The following RIMS1 variants were observed in gnomAD, a reference collection of about 807,000 sequenced individuals.
RIMS1 encodes the protein regulating synaptic membrane exocytosis protein 1.
RIMS1 carries 83 observed loss-of-function variants against 214.1 expected under a neutral mutation model. The observed-to-expected ratio is 0.39, with a 90% CI of 0.32 to 0.47. The LOEUF is 0.47. Among genes scored for constraint, RIMS1 ranks in the 20% least tolerant of loss-of-function variants. RIMS1 has a pLI of 0.99. For synonymous variants in RIMS1, 793 were observed against 786.8 expected (o/e 1.01, Z -0.13); for missense variants, 2,050 against 2,161.8 (o/e 0.95, Z 1.03).
chr6:72,293,332 A>G (rs1360259722), intron 26 of RIMS1, among the ~76,000 whole-genome samples: 1 of 152,008 alleles, frequency 6.6e-6, no homozygotes, highest in Non-Finnish European at 1.5e-5. Context: ...ATTCATTGGA[A>G]TTATTCATTG....
intron 2 of RIMS1, among the ~76,000 whole-genome samples, chr6:72,076,774 T>C (rs1435517708): frequency 6.6e-6 from 1 of 152,108 alleles, no homozygotes; most frequent in Non-Finnish European, 1.5e-5. Flanking sequence ...ATCCTCAGCT[T>C]GACTTTTCCT....
rs532853547 is a variant in RIMS1 at position 71,980,595 on chromosome 6, C to T, written c.245+11532C>T. Among the ~76,000 whole-genome samples the T allele has an allele frequency of 3.9e-5, 6 of 151,996 alleles. No homozygotes were observed. The East Asian group carries it at 1.2e-3, about 29-fold the overall frequency. ...TGGATTTTACTCTGAAGGGAGACAC[C>T]AAAGTATCTGAACATGGAGCTATCT... is the stretch of plus-strand genomic sequence containing the variant. On this transcript the variant is annotated intron_variant, in intron 2 of 33. Coordinates refer to ENST00000521978, the MANE Select transcript of RIMS1 (RefSeq NM_014989.7).
chr6:72,386,158 G>A (rs911280476), intron 29 of RIMS1, among the ~76,000 whole-genome samples: 3 of 152,136 alleles, frequency 2.0e-5, no homozygotes, highest in African/African-American at 7.2e-5. Flanking sequence ...GAGACACCCT[G>A]TAGATATACC....
intron 29 of RIMS1, among the ~76,000 whole-genome samples, chr6:72,365,436 T>C (rs560425750): frequency 1.3e-5 from 2 of 152,346 alleles, no homozygotes; most frequent in South Asian, 4.1e-4. Context: ...TTACATAGAC[T>C]TCATCCCTTG....
chr6:72,293,580 G>T (rs2093708477), intron 26 of RIMS1, among the ~76,000 whole-genome samples: 1 of 151,850 alleles, frequency 6.6e-6, no homozygotes, highest in Non-Finnish European at 1.5e-5. Flanking sequence ...TATTCTAAAA[G>T]TCATGTGCTC....
In RIMS1 at chr6:72,400,776, A is replaced by G. The variant is rs745411533; in HGVS notation, c.*62A>G. 4 of 1,302,272 alleles carry G rather than the reference A, an allele frequency of 3.1e-6. No individual in the cohort carries two copies. Among genetic ancestry groups the G allele is most frequent in the Non-Finnish European group, 4.3e-6 (4 of 925,210 alleles). The allele number at this position is 1,302,272 out of a possible 1,614,324, so 80.7% of individuals were successfully genotyped here. A position where few individuals can be genotyped will look rare whatever the true frequency, so the allele number is the denominator to read the frequency against. Reference sequence around the variant, plus strand: ...TTTTCAGGATAATAATCTGAACCAGATATTTCATGATCGAAAGCATTGTTG... The same window carrying G: ...TTTTCAGGATAATAATCTGAACCAGGTATTTCATGATCGAAAGCATTGTTG... On this transcript the variant is annotated 3_prime_UTR_variant, in exon 34 of 34. Transcript: ENST00000521978.
intron 4 of RIMS1, among the ~76,000 whole-genome samples, chr6:72,166,438 A>G (rs1258372538): frequency 6.6e-6 from 1 of 152,114 alleles, no homozygotes; most frequent in Non-Finnish European, 1.5e-5. Context: ...CAACATACAA[A>G]TTTTGTAGGG....
chr6:72,368,076 C>G (rs2098095933), intron 29 of RIMS1, among the ~76,000 whole-genome samples: 2 of 151,962 alleles, frequency 1.3e-5, no homozygotes, highest in Admixed American at 1.3e-4. Context: ...TAGTTTCATT[C>G]ATTTGTCTTA....
rs2048525994 is a variant in RIMS1, at chr6:72,182,491, G to A, written c.1020G>A (p.Ala340=). Residue 340 remains alanine, a synonymous_variant, in exon 6 of 34, where the codon GCG becomes GCA. Coordinates refer to ENST00000521978, the MANE Select transcript of RIMS1 (RefSeq NM_014989.7). ...AAAAACGGGATGAGGGCAAAGCGGC[G>A]GATGAGGAAAAGCAAAGAAAAGAGG... The part of the protein sequence containing the change: ...TPEKRDEGKA[A]DEEKQRKEED... 2.5e-6 allele frequency: 4 copies of A among 1,608,986 alleles called. No homozygotes were observed. Among genetic ancestry groups the A allele is most frequent in the Non-Finnish European group, 2.5e-6 (3 of 1,177,508 alleles).
At chr6:72,017,499 T>C (rs916137785) in intron 2 of RIMS1, among the ~76,000 whole-genome samples, 1 of 152,188 alleles carries the variant, frequency 6.6e-6, no homozygotes, top group African/African-American at 2.4e-5. Context: ...AGAACTGATA[T>C]TAAAAATAAA....
At chr6:71,927,396 C>T (rs115491081) in intron 1 of RIMS1, among the ~76,000 whole-genome samples, 226 of 152,014 alleles carry the variant, frequency 1.5e-3, no homozygotes, top group African/African-American at 5.3e-3. Context: ...TAAACTCAAA[C>T]AATGTTGAAT....
chr6:71,910,622 C>T (rs1024225306), intron 1 of RIMS1, among the ~76,000 whole-genome samples: 1 of 152,058 alleles, frequency 6.6e-6, no homozygotes, highest in African/African-American at 2.4e-5. Flanking sequence ...TTTAGAGATA[C>T]TTCATATATG....
At chr6:72,185,872 T>C (rs957606846) in intron 6 of RIMS1, among the ~76,000 whole-genome samples, 3 of 152,214 alleles carry the variant, frequency 2.0e-5, no homozygotes, top group African/African-American at 7.2e-5. Context: ...ACAGCAAGGC[T>C]CTTTTTCCTT....
intron 2 of RIMS1, among the ~76,000 whole-genome samples, chr6:72,092,291 C>CCCTTCCTTCCTTCCTT (rs1554220983): frequency 0.025 from 2,751 of 108,004 alleles, 74 homozygotes; most frequent in Admixed American, 0.053. Context: ...CTCCCTCCCT[C>CCCTTCCTTCCTTCCTT]CCTTCCTTCC....
chr6:72,392,662 G>A (rs963417024), intron 30 of RIMS1, 36 bp from the exon 31 acceptor site: 7 of 1,389,548 alleles, frequency 5.0e-6, no homozygotes, highest in Admixed American at 3.3e-5. Context: ...AGATTTCATG[G>A]GTTTTTTCCT....
intron 2 of RIMS1, among the ~76,000 whole-genome samples, chr6:72,059,869 G>T (rs996703804): frequency 2.0e-5 from 3 of 152,108 alleles, no homozygotes; most frequent in African/African-American, 7.2e-5. Context: ...TGAAATATTT[G>T]GCAGAATTGG....
Position 72,400,757 on chromosome 6 carries a change from G to A in RIMS1, c.*43G>A. The A allele has an allele frequency of 7.0e-7, 1 of 1,432,586 alleles. No homozygotes were observed. The highest frequency in any genetic ancestry group is 9.7e-7 in the Non-Finnish European group (1 of 1,027,206). 88.7% of individuals were successfully genotyped at this position (1,432,586 alleles called of 1,614,324 possible). On this transcript the variant is annotated 3_prime_UTR_variant, in exon 34 of 34. Transcript: ENST00000521978. ...CATTCCAATAAAACTCTACTTTTCA[G>A]GATAATAATCTGAACCAGATATTTC...
intron 24 of RIMS1, among the ~76,000 whole-genome samples, chr6:72,285,778 T>A (rs1162352041): frequency 6.6e-6 from 1 of 152,224 alleles, no homozygotes; most frequent in Non-Finnish European, 1.5e-5. Flanking sequence ...TTAGATAAAT[T>A]TTCAATCTTC....
chr6:72,083,911 A>G (rs1834021267), intron 2 of RIMS1, among the ~76,000 whole-genome samples: 1 of 152,308 alleles, frequency 6.6e-6, no homozygotes, highest in African/African-American at 2.4e-5. Context: ...TGCCTGAACT[A>G]TTATATTTAA....
Sources: gnomAD v4.1 joint callset for allele counts (sites outside exome capture counted in the v4.1 genomes callset) on GRCh38, gnomAD v4.1.1 for gene constraint, MANE v1.5 for transcripts, NCBI Gene and HGNC (gene_info 2026-07-23, HGNC 2026-07-21) for gene names.